Variants in KCND2 observed in about 807,000 individuals in gnomAD.
The protein encoded by KCND2 is potassium voltage-gated channel subfamily D member 2, also known as A-type voltage-gated potassium channel KCND2.
A neutral mutation model predicts 54.4 loss-of-function variants in KCND2; 16 were observed. The ratio of observed to expected loss-of-function variants is 0.29; its 90% CI spans 0.20 to 0.45. The LOEUF (loss-of-function observed/expected upper bound fraction) is 0.45, where lower values mean the gene tolerates loss of function less well. Among genes scored for constraint, KCND2 ranks in the 20% least tolerant of loss-of-function variants. KCND2 has a pLI of 1.00. For synonymous variants in KCND2, 317 were observed against 310.7 expected (o/e 1.02, Z -0.21); for missense variants, 486 against 824.2 (o/e 0.59, Z 5.02).
intron 1 of KCND2, among the ~76,000 whole-genome samples, chr7:120,335,611 G>C (rs1281882518): frequency 6.6e-6 from 1 of 151,432 alleles, no homozygotes; most frequent in African/African-American, 2.4e-5. Flanking sequence ...TCAGCCTCCT[G>C]GGTAGCTGGG....
At chr7:120,628,874 TCTTA>T (rs1793193295) in intron 1 of KCND2, among the ~76,000 whole-genome samples, 1 of 152,062 alleles carries the variant, frequency 6.6e-6, no homozygotes, top group African/African-American at 2.4e-5. Context: ...TTTATTGTGT[TCTTA>T]CTTTGTGCCA....
chr7:120,424,469 T>C (rs1801672331), intron 1 of KCND2, among the ~76,000 whole-genome samples: 5 of 152,216 alleles, frequency 3.3e-5, no homozygotes, highest in East Asian at 1.9e-4. Flanking sequence ...AGCATTACCA[T>C]GTAAACCAAT....
chr7:120,340,262 T>C (rs1157966703), intron 1 of KCND2, among the ~76,000 whole-genome samples: 5 of 152,174 alleles, frequency 3.3e-5, no homozygotes, highest in Non-Finnish European at 7.3e-5. Context: ...CAATAGAAAT[T>C]TTGAGAAATA....
At chr7:120,699,263 C>T (rs1792370873) in intron 1 of KCND2, among the ~76,000 whole-genome samples, 1 of 148,600 alleles carries the variant, frequency 6.7e-6, no homozygotes. Flanking sequence ...GCCTGGGCAA[C>T]AGAGTGAGAC....
chr7:120,322,715 T>A (rs1799908447), intron 1 of KCND2, among the ~76,000 whole-genome samples: 1 of 152,128 alleles, frequency 6.6e-6, no homozygotes, highest in Non-Finnish European at 1.5e-5. Context: ...CGGTTAAGAA[T>A]GAAAGATGGC....
chr7:120,694,052 C>T (rs1287041152), intron 1 of KCND2, among the ~76,000 whole-genome samples: 2 of 152,120 alleles, frequency 1.3e-5, no homozygotes, highest in Non-Finnish European at 2.9e-5. Flanking sequence ...TGTGATTGCA[C>T]CACTAAAAGA....
At chr7:120,470,509 A>G (rs1802438576) in intron 1 of KCND2, among the ~76,000 whole-genome samples, 1 of 152,060 alleles carries the variant, frequency 6.6e-6, no homozygotes, top group Non-Finnish European at 1.5e-5. Context: ...CATTTTTCCT[A>G]ATTTAACCAT....
chr7:120,311,833 T>C (rs1355218248), intron 1 of KCND2, among the ~76,000 whole-genome samples: 1 of 152,172 alleles, frequency 6.6e-6, no homozygotes, highest in African/African-American at 2.4e-5. Flanking sequence ...TGTTTTCTGT[T>C]CCTGTGTTAG....
rs898096930 is a variant in KCND2, at chr7:120,376,575, A to G, written c.1115+100828A>G. On this transcript the variant is annotated intron_variant, in intron 1 of 5. Transcript: ENST00000331113. ...ATGATATGTATTTATATATCATTAT[A>G]AAATATAAAAATACATTTGCATTCT... Among the ~76,000 whole-genome samples, 21 of 151,190 alleles carry G rather than the reference A, an allele frequency of 1.4e-4. No homozygotes were observed. In the South Asian group the frequency reaches 4.4e-3, roughly 31 times the overall value.
At chr7:120,504,765 C>T in intron 1 of KCND2, among the ~76,000 whole-genome samples, 1 of 151,666 alleles carries the variant, frequency 6.6e-6, no homozygotes, top group Non-Finnish European at 1.5e-5. Context: ...CAGCCAAAGC[C>T]TAATTTCCAA....
intron 1 of KCND2, among the ~76,000 whole-genome samples, chr7:120,330,235 AG>A (rs1365423601): frequency 6.6e-6 from 1 of 152,058 alleles, no homozygotes; most frequent in Non-Finnish European, 1.5e-5. Flanking sequence ...GAACGTAGTG[AG>A]GAAAAAAAAT....
At chr7:120,324,517 A>T (rs372198454) in intron 1 of KCND2, among the ~76,000 whole-genome samples, 48 of 148,630 alleles carry the variant, frequency 3.2e-4, no homozygotes, top group African/African-American at 8.7e-4. Flanking sequence ...TTTCTACATA[A>T]GGCTAGCCAG....
chr7:120,745,116 A>G (rs1233826639), intron 4 of KCND2, among the ~76,000 whole-genome samples: 2 of 152,174 alleles, frequency 1.3e-5, no homozygotes, highest in South Asian at 2.1e-4. Context: ...CGAAGATTAC[A>G]AAAAAGGCCA....
intron 1 of KCND2, among the ~76,000 whole-genome samples, chr7:120,291,298 A>G (rs571443265): frequency 6.6e-6 from 1 of 151,992 alleles, no homozygotes; most frequent in Admixed American, 6.6e-5. Context: ...ACTTTATTTT[A>G]TGGTCTTAAC....
intron 1 of KCND2, among the ~76,000 whole-genome samples, chr7:120,301,703 T>C (rs1799587187): frequency 6.6e-6 from 1 of 152,188 alleles, no homozygotes; most frequent in South Asian, 2.1e-4. Context: ...TTTGAACTTT[T>C]TCAACTTAAG....
At chr7:120,288,681 G>T (rs2116270860) in intron 1 of KCND2, among the ~76,000 whole-genome samples, 1 of 152,180 alleles carries the variant, frequency 6.6e-6, no homozygotes, top group Non-Finnish European at 1.5e-5. Flanking sequence ...GATTAATATG[G>T]CCAGAAATTG....
chr7:120,469,016 TACAC>T (rs3067129), intron 1 of KCND2, among the ~76,000 whole-genome samples: 35,758 of 149,954 alleles, frequency 0.24, 5,116 homozygotes, highest in East Asian at 0.49. Flanking sequence ...ATGGTGTGGA[TACAC>T]ACACACACAC....
intron 1 of KCND2, among the ~76,000 whole-genome samples, chr7:120,459,925 A>T (rs1017740555): frequency 1.3e-5 from 2 of 152,226 alleles, no homozygotes; most frequent in African/African-American, 4.8e-5. Flanking sequence ...ATCAGAGAAC[A>T]TAGAAGAAGG....
Position 120,732,969 on chromosome 7 carries a change from G to T in KCND2, c.1182G>T (p.Gly394=). 1 of 1,613,536 alleles carries T rather than the reference G, an allele frequency of 6.2e-7. No homozygotes were observed. ...TTGGTTCTATCTGTTCGCTGAGTGG[G>T]GTCTTGGTCATTGCTCTACCTGTTC... is the stretch of plus-strand genomic sequence containing the variant. ...KIFGSICSLS[G]VLVIALPVPV... is the part of the protein sequence containing the mutation. The change falls in exon 2 of 6, where the codon GGG becomes GGT. Residue 394 remains glycine (G), a synonymous_variant. Coordinates refer to ENST00000331113, the MANE Select transcript of KCND2 (RefSeq NM_012281.3).
Sources: gnomAD v4.1 joint callset for allele counts (sites outside exome capture counted in the v4.1 genomes callset) on GRCh38, gnomAD v4.1.1 for gene constraint, MANE v1.5 for transcripts, NCBI Gene and HGNC (gene_info 2026-07-23, HGNC 2026-07-21) for gene names.